The following CSMD3 variants were observed in gnomAD, a reference collection of about 807,000 sequenced individuals.
CSMD3 encodes CUB and Sushi multiple domains 3.
Under a neutral mutation model 435.2 loss-of-function variants are expected in CSMD3, and 177 were observed. The observed-to-expected ratio is 0.41, with a 90% confidence interval of 0.36 to 0.46. The LOEUF (loss-of-function observed/expected upper bound fraction) is 0.46, where lower values mean the gene tolerates loss of function less well. CSMD3 is among the 20% of genes least tolerant of loss of function. CSMD3 has a pLI of 0.34. For synonymous variants in CSMD3, 1,656 were observed against 1,520.5 expected, an observed-to-expected ratio of 1.09 and a Z score of -2.07; for missense variants, 4,265 against 4,504.6, an observed-to-expected ratio of 0.95 and a Z score of 1.52.
At chr8:112,790,029 A>G (rs527928550) in intron 13 of CSMD3, among the ~76,000 whole-genome samples, 18 of 152,102 alleles carry the variant, frequency 1.2e-4, no homozygotes, top group African/African-American at 4.3e-4. Flanking sequence ...GTAATTATTT[A>G]ATATTAAAAG....
At chr8:113,046,909 G>A (rs982891781) in intron 5 of CSMD3, among the ~76,000 whole-genome samples, 6 of 152,198 alleles carry the variant, frequency 3.9e-5, no homozygotes, top group South Asian at 2.1e-4. Flanking sequence ...ATGCTAAGCA[G>A]GTCCTGGGAG....
At chr8:113,098,700 T>C (rs1352598224) in intron 5 of CSMD3, 56 bp downstream of exon 5, 1 of 1,167,588 alleles carries the variant, frequency 8.6e-7, no homozygotes, top group Admixed American at 1.7e-5. Context: ...TTGTTCTTTG[T>C]TCCTTAGTTT....
chr8:112,394,218 A>G (rs1199651586), intron 35 of CSMD3, among the ~76,000 whole-genome samples: 2 of 151,976 alleles, frequency 1.3e-5, no homozygotes, highest in Non-Finnish European at 2.9e-5. Context: ...TCTATTCTCA[A>G]TCTATCAGTA....
intron 27 of CSMD3, among the ~76,000 whole-genome samples, chr8:112,545,495 A>AAT (rs1554609832): frequency 4.9e-5 from 7 of 141,940 alleles, no homozygotes; most frequent in African/African-American, 1.1e-4. Context: ...AAAAAAAAAA[A>AAT]AAAAAAAATA....
intron 10 of CSMD3, among the ~76,000 whole-genome samples, chr8:112,863,899 T>C (rs761200714): frequency 4.6e-5 from 7 of 151,888 alleles, no homozygotes; most frequent in Non-Finnish European, 8.8e-5. Flanking sequence ...AACCAATGAA[T>C]GTATGAAATC....
At chr8:112,391,100 T>C (rs1474975466) in intron 35 of CSMD3, among the ~76,000 whole-genome samples, 1 of 152,206 alleles carries the variant, frequency 6.6e-6, no homozygotes, top group Non-Finnish European at 1.5e-5. Context: ...TAAAAATAGT[T>C]CATTTTTAGA....
intron 59 of CSMD3, among the ~76,000 whole-genome samples, chr8:112,279,046 CAACAACAACAAA>C (rs1372443735): frequency 7.3e-6 from 1 of 137,894 alleles, no homozygotes; most frequent in East Asian, 2.2e-4. Flanking sequence ...ACAACAACAA[CAACAACAACAAA>C]ACACTAGGAT....
chr8:112,254,133 T>A (rs1222095451), intron 63 of CSMD3, 120 bp downstream of exon 63: 2 of 815,636 alleles, frequency 2.5e-6, no homozygotes, highest in African/African-American at 3.4e-5. Flanking sequence ...ACCCTTTTTA[T>A]GTGTTTATAA....
intron 13 of CSMD3, among the ~76,000 whole-genome samples, chr8:112,736,814 G>A (rs777363035): frequency 6.6e-6 from 1 of 151,812 alleles, no homozygotes; most frequent in Non-Finnish European, 1.5e-5. Flanking sequence ...TCACTCAATC[G>A]ATTAATATAT....
chr8:113,001,755 C>T (rs1484847607), intron 6 of CSMD3, among the ~76,000 whole-genome samples: 3 of 151,990 alleles, frequency 2.0e-5, no homozygotes, highest in Non-Finnish European at 4.4e-5. Flanking sequence ...TTTTCCTCAT[C>T]AATGTTTTAA....
intron 1 of CSMD3, chr8:113,376,575 T>C (rs908920272): frequency 4.3e-6 from 3 of 694,254 alleles, no homozygotes; most frequent in African/African-American, 3.6e-5. Context: ...TAAACTAATA[T>C]ATAAAAAAAT....
In CSMD3 at chr8:113,083,932, C is replaced by T. The variant is rs557475893; in HGVS notation, c.917+14824G>A. ...AGGTGGCAGTGAGCTATGTTTGTGCCTTTGCCCTCCAGTCTGGACAACAGA... is the reference window on the plus strand; with the variant it reads ...AGGTGGCAGTGAGCTATGTTTGTGCTTTTGCCCTCCAGTCTGGACAACAGA... On this transcript the variant is annotated intron_variant, in intron 5 of 70. Transcript: ENST00000297405. 2.0e-5 allele frequency among the ~76,000 whole-genome samples: 3 copies of T among 152,212 alleles called. No individual in the cohort carries two copies. In the South Asian group the frequency reaches 6.2e-4, roughly 32 times the overall value.
At chr8:112,681,443 CA>C (rs1410374560) in intron 16 of CSMD3, among the ~76,000 whole-genome samples, 1 of 152,002 alleles carries the variant, frequency 6.6e-6, no homozygotes, top group Non-Finnish European at 1.5e-5. Flanking sequence ...CCTTCTGTGG[CA>C]AATCTAAATA....
chr8:112,977,308 C>T (rs536899033), intron 6 of CSMD3, among the ~76,000 whole-genome samples: 1 of 151,974 alleles, frequency 6.6e-6, no homozygotes, highest in East Asian at 1.9e-4. Flanking sequence ...TTTCTAAAGC[C>T]CCTGAGTGGT....
chr8:112,450,415 TAAG>T (rs1311496342), intron 32 of CSMD3, among the ~76,000 whole-genome samples: 3 of 152,226 alleles, frequency 2.0e-5, no homozygotes, highest in Non-Finnish European at 4.4e-5. Flanking sequence ...GTTAGTTTTC[TAAG>T]AAGACTTTCC....
At chr8:112,655,158 G>A (rs1425636937) in intron 18 of CSMD3, among the ~76,000 whole-genome samples, 1 of 151,970 alleles carries the variant, frequency 6.6e-6, no homozygotes, top group Non-Finnish European at 1.5e-5. Flanking sequence ...AAACCCATGA[G>A]TCCATTGACT....
intron 45 of CSMD3, among the ~76,000 whole-genome samples, chr8:112,329,458 A>G (rs555074896): frequency 6.6e-6 from 1 of 152,230 alleles, no homozygotes; most frequent in African/African-American, 2.4e-5. Context: ...AAGATATCCA[A>G]TCATAAAACT....
intron 59 of CSMD3, among the ~76,000 whole-genome samples, chr8:112,268,109 C>A (rs1188367802): frequency 6.6e-6 from 1 of 152,032 alleles, no homozygotes; most frequent in African/African-American, 2.4e-5. Context: ...ACAAACACAC[C>A]AATAAACTCC....
intron 32 of CSMD3, among the ~76,000 whole-genome samples, chr8:112,410,466 A>G (rs1832236279): frequency 7.0e-6 from 1 of 143,684 alleles, no homozygotes; most frequent in African/African-American, 2.5e-5. Flanking sequence ...TTGTTCCACC[A>G]AATCCCAAGC....
Sources: allele counts gnomAD v4.1 joint callset (sites outside exome capture counted in the v4.1 genomes callset), GRCh38; gene constraint gnomAD v4.1.1; transcripts MANE v1.5; gene names NCBI Gene and HGNC (gene_info 2026-07-23, HGNC 2026-07-21).